TENM4: variants seen among roughly 807,000 people sequenced by gnomAD.
The protein encoded by TENM4 is teneurin-4.
Under a neutral mutation model 243.3 loss-of-function variants are expected in TENM4, and 82 were observed. The ratio of observed to expected loss-of-function variants is 0.34; its 90% CI spans 0.28 to 0.40. The LOEUF (loss-of-function observed/expected upper bound fraction) is 0.40. TENM4 is among the 10% of genes least tolerant of loss of function. TENM4 has a pLI of 1.00. For synonymous variants in TENM4, 1,412 were observed against 1,456.3 expected (o/e 0.97, Z 0.69); for missense variants, 3,138 against 3,673.3 (o/e 0.85, Z 3.77).
At chr11:78,674,788 G>A (rs545839038) in intron 30 of TENM4, among the ~76,000 whole-genome samples, 58 of 152,146 alleles carry the variant, frequency 3.8e-4, no homozygotes, top group Non-Finnish European at 6.8e-4. Context: ...GGGAACAAAC[G>A]AAGCCTGGTT....
chr11:78,904,972 C>A (rs1207460466), intron 6 of TENM4, among the ~76,000 whole-genome samples: 1 of 152,168 alleles, frequency 6.6e-6, no homozygotes, highest in East Asian at 1.9e-4. Flanking sequence ...AAATTAGATT[C>A]TAACCTAGAT....
At chr11:79,023,552 G>T (rs1858991458) in intron 6 of TENM4, among the ~76,000 whole-genome samples, 1 of 137,612 alleles carries the variant, frequency 7.3e-6, no homozygotes, top group African/African-American at 3.0e-5. Context: ...ACAGAGAAAG[G>T]CTCTGTCTCA....
chr11:78,895,685 C>T (rs902691847), intron 7 of TENM4, among the ~76,000 whole-genome samples: 1 of 152,214 alleles, frequency 6.6e-6, no homozygotes, highest in East Asian at 1.9e-4. Context: ...CTGCTCACTG[C>T]TGCTGAGAGC....
At chr11:79,395,044 A>T (rs1858313081) in intron 1 of TENM4, among the ~76,000 whole-genome samples, 2 of 152,226 alleles carry the variant, frequency 1.3e-5, no homozygotes, top group Admixed American at 1.3e-4. Context: ...GTGAGAAAAT[A>T]AATTTCTGTT....
intron 9 of TENM4, among the ~76,000 whole-genome samples, chr11:78,882,274 G>T (rs938254846): frequency 6.6e-6 from 1 of 152,160 alleles, no homozygotes; most frequent in Non-Finnish European, 1.5e-5. Context: ...ATTCACCCTG[G>T]CCTCTATCTG....
At chr11:79,206,630 A>G (rs919047135) in intron 3 of TENM4, among the ~76,000 whole-genome samples, 1 of 152,152 alleles carries the variant, frequency 6.6e-6, no homozygotes, top group African/African-American at 2.4e-5. Context: ...TTCCCATGCT[A>G]TTCTCATGAA....
intron 12 of TENM4, among the ~76,000 whole-genome samples, chr11:78,818,534 G>A (rs575347948): frequency 6.6e-6 from 1 of 152,274 alleles, no homozygotes; most frequent in Non-Finnish European, 1.5e-5. Flanking sequence ...GAAATATAGA[G>A]AATATTTTCT....
chr11:79,377,949 C>G (rs568934645), intron 1 of TENM4, among the ~76,000 whole-genome samples: 1 of 152,174 alleles, frequency 6.6e-6, no homozygotes, highest in Non-Finnish European at 1.5e-5. Flanking sequence ...GATCTTTTCC[C>G]GGTAAGTGTG....
At chr11:79,223,607 T>C (rs1590806844) in intron 2 of TENM4, among the ~76,000 whole-genome samples, 1 of 152,176 alleles carries the variant, frequency 6.6e-6, no homozygotes, top group African/African-American at 2.4e-5. Context: ...GCAGTTCTTT[T>C]CACTGTCCAG....
intron 6 of TENM4, chr11:79,014,697 C>T (rs2276380): frequency 0.17 from 26,020 of 152,178 alleles, 2,498 homozygotes; most frequent in Middle Eastern, 0.29. Context: ...TCAGGGAGAA[C>T]TGCCTTTCAC....
chr11:79,173,241 A>G (rs933777478), intron 3 of TENM4, among the ~76,000 whole-genome samples: 3 of 152,142 alleles, frequency 2.0e-5, no homozygotes, highest in African/African-American at 7.2e-5. Context: ...TGGAAGGAAA[A>G]CTTCATCTTT....
intron 1 of TENM4, among the ~76,000 whole-genome samples, chr11:79,320,345 G>A (rs908977947): frequency 5.3e-5 from 8 of 152,156 alleles, no homozygotes; most frequent in Admixed American, 1.3e-4. Context: ...CTCCTGTTGC[G>A]ACAAACACAG....
intron 1 of TENM4, among the ~76,000 whole-genome samples, chr11:79,347,273 C>A (rs555892271): frequency 2.0e-5 from 3 of 152,272 alleles, no homozygotes; most frequent in African/African-American, 7.2e-5. Flanking sequence ...CCCCACTAGT[C>A]ACCACCACGG....
Position 78,736,484 on chromosome 11 carries a change from G to GCGCA in TENM4, c.2876+1966_2876+1967insTGCG, listed in dbSNP as rs1555073154. On this transcript the variant is annotated intron_variant, in intron 20 of 33. Coordinates refer to ENST00000278550, the MANE Select transcript of TENM4 (RefSeq NM_001098816.3). Reference sequence around the variant, plus strand: ...TGTGTGTGTGTGTGTGTGTGTGCGCGCGCGTGCATGTGAGTAGGGGTGGGG... The same window carrying GCGCA: ...TGTGTGTGTGTGTGTGTGTGTGCGCGCGCACGCGTGCATGTGAGTAGGGGTGGGG... Among the ~76,000 whole-genome samples, 68 of 150,330 alleles carry GCGCA rather than the reference G, an allele frequency of 4.5e-4. 1 individual carries two copies. Among genetic ancestry groups the GCGCA allele is most frequent in the African/African-American group, 1.5e-3 (61 of 39,976 alleles).
At chr11:78,843,178 T>G (rs1858302766) in intron 12 of TENM4, among the ~76,000 whole-genome samples, 2 of 152,188 alleles carry the variant, frequency 1.3e-5, no homozygotes, top group African/African-American at 4.8e-5. Context: ...CTTGGGAGGC[T>G]GAGGCAAGAG....
At chr11:79,128,217 C>A (rs1422121687) in intron 4 of TENM4, among the ~76,000 whole-genome samples, 1 of 152,196 alleles carries the variant, frequency 6.6e-6, no homozygotes, top group Non-Finnish European at 1.5e-5. Context: ...AAAGCCCTGG[C>A]ATCTTCTGCA....
chr11:79,314,824 T>C lies in TENM4; in HGVS notation c.-320-17281A>G, dbSNP rs918568257. On this transcript the variant is annotated intron_variant, in intron 1 of 33. Transcript: ENST00000278550. Reference sequence around the variant, plus strand: ...TACACATCACAGTCACTTAGAAAACTTTAAAAAATATTGGTGCCCTGGCTC... The same window carrying C: ...TACACATCACAGTCACTTAGAAAACCTTAAAAAATATTGGTGCCCTGGCTC... Among the ~76,000 whole-genome samples, 6 of 152,284 alleles carry C rather than the reference T, an allele frequency of 3.9e-5. No homozygotes were observed. In the East Asian group the frequency reaches 1.2e-3, roughly 29 times the overall value.
intron 12 of TENM4, among the ~76,000 whole-genome samples, chr11:78,821,212 T>C (rs568349412): frequency 6.6e-6 from 1 of 152,366 alleles, no homozygotes; most frequent in East Asian, 1.9e-4. Flanking sequence ...TTATATTCAG[T>C]CTTGGCTATT....
At chr11:79,411,021 C>A (rs1288263975) in intron 1 of TENM4, among the ~76,000 whole-genome samples, 1 of 152,140 alleles carries the variant, frequency 6.6e-6, no homozygotes, top group Non-Finnish European at 1.5e-5. Flanking sequence ...GGGCCAGCAC[C>A]CATATTCTCT....
Sources: gnomAD v4.1 joint callset for allele counts (sites outside exome capture counted in the v4.1 genomes callset) on GRCh38, gnomAD v4.1.1 for gene constraint, MANE v1.5 for transcripts, NCBI Gene and HGNC (gene_info 2026-07-23, HGNC 2026-07-21) for gene names.